Variants in KHSRP observed in about 807,000 individuals in gnomAD.
KHSRP encodes far upstream element-binding protein 2.
KHSRP carries 13 observed loss-of-function variants against 94.9 expected under a neutral mutation model. The observed-to-expected ratio is 0.14, with a 90% confidence interval of 0.09 to 0.22. The LOEUF (loss-of-function observed/expected upper bound fraction) is 0.22. KHSRP is among the 10% of genes least tolerant of loss of function. KHSRP has a pLI of 1.00. For synonymous variants in KHSRP, 495 were observed against 401.4 expected (o/e 1.23, Z -2.79); for missense variants, 710 against 1,010.0 (o/e 0.70, Z 4.03).
At position 6,418,871 on chromosome 19, in the gene KHSRP, G is replaced by C; in HGVS notation, c.611C>G (p.Ala204Gly). 1 of 1,546,600 alleles carries C rather than the reference G, an allele frequency of 6.5e-7. No homozygotes were observed. Among genetic ancestry groups the C allele is most frequent in the Non-Finnish European group, 8.7e-7 (1 of 1,151,244 alleles). Reference sequence around the variant, plus strand: ...CACAATGTCATCCAGCATCATCTTGGCTTTCCTGGGAAGGGGAGGAGCGGG... The same window carrying C: ...CACAATGTCATCCAGCATCATCTTGCCTTTCCTGGGAAGGGGAGGAGCGGG... ...LTGAPESVQK[A>G]KMMLDDIVSR... The change falls in exon 8 of 19, where the codon GCC becomes GGC. Residue 204 changes from alanine (A) to glycine (G), a missense_variant. Transcript: ENST00000600480. The surrounding 1 kb of genome is among the most constrained non-coding windows in gnomAD (Gnocchi z 4.3).
chr19:6,421,718 C>A, intron 2 of KHSRP, 30 bp from the exon 3 acceptor site: 1 of 1,612,518 alleles, frequency 6.2e-7, no homozygotes, highest in Non-Finnish European at 8.5e-7. Flanking sequence ...GCAGATGCAG[C>A]ACCCACCCAC....
At position 6,415,509 on chromosome 19, in the gene KHSRP, C is replaced by T. The variant is rs746935225; in HGVS notation, c.1888+25G>A. 20 of 1,545,502 alleles carry T rather than the reference C, an allele frequency of 1.3e-5. No individual in the cohort carries two copies. The Admixed American group carries it at 3.0e-4, about 23-fold the overall frequency. ...AACCACTCCCCCGGCAGGGCTGGAGCCCCCCCGCCACCCTGCAGACTCACC... is the reference window on the plus strand; with the variant it reads ...AACCACTCCCCCGGCAGGGCTGGAGTCCCCCCGCCACCCTGCAGACTCACC... On this transcript the variant is annotated intron_variant, in intron 17 of 18. Transcript: ENST00000600480.
Position 6,414,365 on chromosome 19 carries a change from CCG to C in KHSRP, c.*657_*658del. ...ACAGAGCAGGAAGAGAGGAGAGGGGCCGCGGAGGGCGGAGGCGCTAGGGTCGT... is the reference window on the plus strand; with the variant it reads ...ACAGAGCAGGAAGAGAGGAGAGGGGCCGGAGGGCGGAGGCGCTAGGGTCGT... On this transcript the variant is annotated 3_prime_UTR_variant, in exon 19 of 19. Transcript: ENST00000600480. 7.4e-7 allele frequency: 1 copy of C among 1,354,932 alleles called. No individual in the cohort carries two copies. The highest frequency in any genetic ancestry group is 2.1e-5 in the South Asian group (1 of 48,500). The allele number at this position is 1,354,932 out of a possible 1,614,324, so 83.9% of individuals were successfully genotyped here.
intron 2 of KHSRP, 98 bp downstream of exon 2, chr19:6,422,242 A>G: frequency 1.3e-6 from 1 of 756,970 alleles, no homozygotes; most frequent in South Asian, 1.6e-5. Flanking sequence ...AGACCAAACA[A>G]CAGTGACACC....
In KHSRP at chr19:6,416,853, T is replaced by C. The variant is rs754744241; in HGVS notation, c.1212A>G (p.Pro404=). The change falls in exon 13 of 19, where the codon CCA becomes CCG. Residue 404 remains proline (P), a synonymous_variant. Coordinates refer to ENST00000600480, the MANE Select transcript of KHSRP (RefSeq NM_001366299.1). The part of the protein sequence containing the change: ...RSGPPGPPGG[P]GMPPGGRGRG... Reference sequence around the variant, plus strand: ...GGCCTCGGCCCCCCGGGGGCATGCCTGGACCCCCTGGAGGACCTGGGGGAC... The same window carrying C: ...GGCCTCGGCCCCCCGGGGGCATGCCCGGACCCCCTGGAGGACCTGGGGGAC... 1 of 1,604,464 alleles carries C rather than the reference T, an allele frequency of 6.2e-7. No homozygotes were observed. Among genetic ancestry groups the C allele is most frequent in the Non-Finnish European group, 8.5e-7 (1 of 1,175,650 alleles).
In KHSRP at chr19:6,414,326, A is replaced by G; in HGVS notation, c.*698T>C. On this transcript the variant is annotated 3_prime_UTR_variant, in exon 19 of 19. Coordinates refer to ENST00000600480, the MANE Select transcript of KHSRP (RefSeq NM_001366299.1). Reference sequence around the variant, plus strand: ...CTCGCTGAAGTCACGCTGCTCCCTGATGGAGAAGGAGGGACAGAGCAGGAA... The same window carrying G: ...CTCGCTGAAGTCACGCTGCTCCCTGGTGGAGAAGGAGGGACAGAGCAGGAA... 1.4e-6 allele frequency: 2 copies of G among 1,397,802 alleles called. No homozygotes were observed. The highest frequency in any genetic ancestry group is 1.9e-6 in the Non-Finnish European group (2 of 1,070,298). 86.6% of individuals were successfully genotyped at this position (1,397,802 alleles called of 1,614,324 possible). A position where few individuals can be genotyped will look rare whatever the true frequency, so the allele number is the denominator to read the frequency against.
chr19:6,421,007 C>T, intron 4 of KHSRP: 1 of 502,072 alleles, frequency 2.0e-6, no homozygotes. Context: ...GCTCAGAGTC[C>T]CCACCCCAGC....
At chr19:6,419,081 T>C (rs763061189) in intron 7 of KHSRP, 122 bp downstream of exon 7, 129 of 1,161,646 alleles carry the variant, frequency 1.1e-4, no homozygotes, top group Non-Finnish European at 1.5e-4. Context: ...CATGGCTGTC[T>C]GGAGATGGGG....
At chr19:6,420,343 T>C in intron 5 of KHSRP, 79 bp downstream of exon 5, 1 of 1,434,836 alleles carries the variant, frequency 7.0e-7, no homozygotes, top group Admixed American at 1.8e-5. Flanking sequence ...AGACCAGGGC[T>C]TCTGGGCTGG....
chr19:6,415,932 T>C (rs779663300), intron 15 of KHSRP, 36 bp from the exon 16 acceptor site: 42 of 1,347,658 alleles, frequency 3.1e-5, no homozygotes, highest in Non-Finnish European at 2.2e-5. Context: ...TGAGCAGTGG[T>C]GCGGGGGTGG....
At position 6,414,147 on chromosome 19, in the gene KHSRP, G is replaced by C. The variant is rs1336959818; in HGVS notation, c.*877C>G. 6.2e-7 allele frequency: 1 copy of C among 1,606,884 alleles called. No individual in the cohort carries two copies. Among genetic ancestry groups the C allele is most frequent in the Admixed American group, 1.7e-5 (1 of 59,626 alleles). ...TGCGGAGAGGGAAGAGATAGGAATT[G>C]GTCACTACGGGGAGGGAAGGGTGGG... On this transcript the variant is annotated 3_prime_UTR_variant, in exon 19 of 19. Coordinates refer to ENST00000600480, the MANE Select transcript of KHSRP (RefSeq NM_001366299.1).
At position 6,419,190 on chromosome 19, in the gene KHSRP, T is replaced by C; in HGVS notation, c.605+13A>G. 1 of 1,576,278 alleles carries C rather than the reference T, an allele frequency of 6.3e-7. No individual in the cohort carries two copies. Among genetic ancestry groups the C allele is most frequent in the Non-Finnish European group, 8.6e-7 (1 of 1,160,988 alleles). The stretch of plus-strand genomic sequence containing the variant: ...CCCCCCACATCACAATGAGAGGCCC[T>C]GTGGGGACTTACTGGACAGATTCTG... On this transcript the variant is annotated intron_variant, in intron 7 of 18. Transcript: ENST00000600480.
rs969443777 is a variant in KHSRP, at chr19:6,418,387, T to C, written c.879+96A>G. ...TTGGTGTTATGACCGACTGTTCACATATCTCTCTGGCGGAATGCAGACCCC... is the reference window on the plus strand; with the variant it reads ...TTGGTGTTATGACCGACTGTTCACACATCTCTCTGGCGGAATGCAGACCCC... On this transcript the variant is annotated intron_variant, in intron 9 of 18. Coordinates refer to ENST00000600480, the MANE Select transcript of KHSRP (RefSeq NM_001366299.1). The surrounding 1 kb of genome is among the most constrained non-coding windows in gnomAD (Gnocchi z 4.3). The C allele has an allele frequency of 1.4e-5, 12 of 875,018 alleles. No homozygotes were observed. The African/African-American group carries it at 2.0e-4, about 15-fold the overall frequency. The allele number at this position is 875,018 out of a possible 1,614,324, so 54.2% of individuals were successfully genotyped here. A position where few individuals can be genotyped will look rare whatever the true frequency, so the allele number is the denominator to read the frequency against.
Position 6,424,309 on chromosome 19 carries a change from AGGCCCCCGCCT to A in KHSRP, c.249+133_249+143del, listed in dbSNP as rs1388453151. 2.4e-5 allele frequency: 5 copies of A among 206,248 alleles called. 1 individual carries two copies. Among genetic ancestry groups the A allele is most frequent in the Non-Finnish European group, 3.4e-5 (4 of 118,312 alleles). 12.8% of individuals were successfully genotyped at this position (206,248 alleles called of 1,614,324 possible). On this transcript the variant is annotated intron_variant, in intron 1 of 18. Transcript: ENST00000600480. ...CCACTCGAGGCGCAGCGGGAGGGCC[AGGCCCCCGCCT>A]ACCGCCCACGTGACCCCGCGACGGC...
rs774377140 is a variant in KHSRP at position 6,414,773 on chromosome 19, T to C, written c.*251A>G. 5.2e-5 allele frequency: 58 copies of C among 1,121,316 alleles called. No individual in the cohort carries two copies. Among genetic ancestry groups the C allele is most frequent in the African/African-American group, 4.5e-4 (28 of 61,580 alleles). 69.5% of individuals were successfully genotyped at this position (1,121,316 alleles called of 1,614,324 possible). A position where few individuals can be genotyped will look rare whatever the true frequency, so the allele number is the denominator to read the frequency against. ...GACGTTTTCTTCCCAAGTGGCCAGA[T>C]TGTGAGCGAGGTGGTGGCGGCCGGG... On this transcript the variant is annotated 3_prime_UTR_variant, in exon 19 of 19. Coordinates refer to ENST00000600480, the MANE Select transcript of KHSRP (RefSeq NM_001366299.1).
rs1003898749 is a variant in KHSRP, at chr19:6,424,542, A to G, written c.160T>C (p.Ser54Pro). The G allele has an allele frequency of 2.6e-5, 25 of 967,018 alleles. No homozygotes were observed. The highest frequency in any genetic ancestry group is 3.0e-5 in the Non-Finnish European group (25 of 820,588). 59.9% of individuals were successfully genotyped at this position (967,018 alleles called of 1,614,324 possible). ...GGTGGCTGAGAGGGGCCCCCGGCCG[A>G]CCCCCCGCCCGGGCCGCCGCCGCCG... ...GPGGGGPGGGSAGGPSQPPGG... is the reference protein window; with the variant it reads ...GPGGGGPGGGPAGGPSQPPGG... Residue 54 changes from serine (S) to proline (P), a missense_variant, in exon 1 of 19, where the codon TCG (serine) becomes CCG (proline). Ser to Pro is a moderately conservative substitution (Grantham distance 74). Coordinates refer to ENST00000600480, the MANE Select transcript of KHSRP (RefSeq NM_001366299.1).
At chr19:6,415,951 G>A (rs951188767) in intron 15 of KHSRP, 55 bp from the exon 16 acceptor site, 54 of 1,128,396 alleles carry the variant, frequency 4.8e-5, no homozygotes, top group Admixed American at 6.2e-5. Context: ...GGCCGCAGCC[G>A]GACCACCTGG....
In KHSRP at chr19:6,418,776, G is replaced by C; in HGVS notation, c.706C>G (p.Gln236Glu). The part of the protein sequence containing the change: ...NANGGQNGTV[Q>E]EIMIPAGKAG... Reference sequence around the variant, plus strand: ...TTGCCCGCGGGGATCATGATCTCCTGCACGGTGCCGTTCTGGCCCCCGTTG... The same window carrying C: ...TTGCCCGCGGGGATCATGATCTCCTCCACGGTGCCGTTCTGGCCCCCGTTG... Residue 236 changes from glutamine (Q) to glutamate (E), a missense_variant, in exon 8 of 19, where the codon CAG becomes GAG. By Grantham distance (29) the Gln-to-Glu change is conservative. Transcript: ENST00000600480. This position sits in a 1 kb window ranked among gnomAD's most constrained non-coding sequence, Gnocchi z 4.3. 6.2e-7 allele frequency: 1 copy of C among 1,610,306 alleles called. No individual in the cohort carries two copies. The highest frequency in any genetic ancestry group is 8.5e-7 in the Non-Finnish European group (1 of 1,178,786).
intron 2 of KHSRP, among the ~76,000 whole-genome samples, chr19:6,421,940 G>A (rs1224204752): frequency 6.6e-6 from 1 of 152,170 alleles, no homozygotes; most frequent in African/African-American, 2.4e-5. Context: ...CCCGGTTTAG[G>A]ACAGGACCTG....
Sources: gnomAD v4.1 joint callset for allele counts (sites outside exome capture counted in the v4.1 genomes callset) on GRCh38, gnomAD v4.1.1 for gene constraint, Gnocchi (gnomAD v3.1) non-coding constraint, MANE v1.5 for transcripts, NCBI Gene and HGNC (gene_info 2026-07-23, HGNC 2026-07-21) for gene names.